Variants in KANSL3 observed in about 807,000 individuals in gnomAD.
KANSL3 encodes the protein NSL complex protein NSL3.
KANSL3 carries 16 observed loss-of-function variants against 89.2 expected under a neutral mutation model. That is an observed-to-expected ratio of 0.18 (90% CI 0.12 to 0.27). The LOEUF (loss-of-function observed/expected upper bound fraction) is 0.27, where lower values mean the gene tolerates loss of function less well. Ranked by LOEUF, KANSL3 falls within the 10% of genes least tolerant of loss-of-function variation. The probability of loss-of-function intolerance (pLI) is 1.00; values close to 1 mark genes in which losing one functional copy is unlikely to be tolerated. For missense variants in KANSL3, 879 were observed against 1,110.6 expected (o/e 0.79, Z 2.96); for synonymous variants, 385 against 419.7 (o/e 0.92, Z 1.01).
At chr2:96,617,123 G>T (rs1427991120) in intron 5 of KANSL3, among the ~76,000 whole-genome samples, 1 of 152,090 alleles carries the variant, frequency 6.6e-6, no homozygotes, top group Non-Finnish European at 1.5e-5. Context: ...TCCAGTCTGG[G>T]CCCCACACTC....
At chr2:96,603,024 C>T (rs1050954412) in intron 17 of KANSL3, among the ~76,000 whole-genome samples, 162 bp from the exon 18 acceptor site, 4 of 152,202 alleles carry the variant, frequency 2.6e-5, no homozygotes, top group Admixed American at 6.5e-5. Context: ...CAACTAGGCA[C>T]ACACGCAATG....
intron 3 of KANSL3, among the ~76,000 whole-genome samples, chr2:96,625,174 T>C (rs2072069798): frequency 1.3e-5 from 2 of 152,200 alleles, no homozygotes; most frequent in East Asian, 3.9e-4. Flanking sequence ...CGCCCCACTG[T>C]ACTCCAGCCT....
chr2:96,620,803 G>C (rs2071120036), intron 3 of KANSL3, among the ~76,000 whole-genome samples: 1 of 151,866 alleles, frequency 6.6e-6, no homozygotes, highest in African/African-American at 2.4e-5. Context: ...AGGAATTCAA[G>C]ACCAGTCTGT....
At position 96,604,837 on chromosome 2, in the gene KANSL3, T is replaced by A. The variant is rs746193111; in HGVS notation, c.1960A>T (p.Thr654Ser). ...EAAGGKPITM[T>S]LGQASAGAKE... ...GCCCCTGCTGAAGCCTGCCCCAGTG[T>A]CATGGTGATGGGCTTCCCACCTGCA... The change falls in exon 16 of 21, where the codon ACA becomes TCA. Residue 654 changes from threonine (T) to serine (S), a missense_variant. Physicochemically the swap from Thr to Ser is moderately conservative, Grantham distance 58 (BLOSUM62 1). Transcript: ENST00000431828. 7 of 1,598,628 alleles carry A rather than the reference T, an allele frequency of 4.4e-6. No homozygotes were observed. In the East Asian group the frequency reaches 1.1e-4, roughly 26 times the overall value.
In KANSL3 at chr2:96,595,490, A is replaced by C; in HGVS notation, c.*121T>G. The C allele has an allele frequency of 2.0e-6, 2 of 1,018,624 alleles. No homozygotes were observed. The highest frequency in any genetic ancestry group is 2.9e-6 in the Non-Finnish European group (2 of 692,954). The allele number at this position is 1,018,624 out of a possible 1,614,324, so 63.1% of individuals were successfully genotyped here. A position where few individuals can be genotyped will look rare whatever the true frequency, so the allele number is the denominator to read the frequency against. On this transcript the variant is annotated 3_prime_UTR_variant, in exon 21 of 21. Transcript: ENST00000431828. ...GAAGACAGTTGGCGGAGAGGCAAAA[A>C]TGACTGTCTTAAACAGGTCTTCCGA...
chr2:96,605,025 T>C (rs2067771065), intron 15 of KANSL3, among the ~76,000 whole-genome samples, 162 bp from the exon 16 acceptor site: 1 of 152,204 alleles, frequency 6.6e-6, no homozygotes, highest in African/African-American at 2.4e-5. Context: ...ATTTTTTCCT[T>C]CTATTTTCTA....
intron 5 of KANSL3, among the ~76,000 whole-genome samples, chr2:96,618,776 T>A (rs1282540352): frequency 6.6e-6 from 1 of 152,234 alleles, no homozygotes; most frequent in Non-Finnish European, 1.5e-5. Flanking sequence ...GCCTCCAGCA[T>A]CCGCATTCTA....
intron 2 of KANSL3, among the ~76,000 whole-genome samples, chr2:96,635,062 C>A (rs1273899114): frequency 1.3e-5 from 2 of 152,214 alleles, no homozygotes; most frequent in African/African-American, 4.8e-5. Context: ...CTGCCCTATA[C>A]AAGATATCAC....
chr2:96,600,854 G>C, intron 20 of KANSL3: 2 of 985,408 alleles, frequency 2.0e-6, no homozygotes, highest in Non-Finnish European at 2.4e-6. Context: ...GCTAAGATAT[G>C]GGAAGGCACA....
rs373956444 is a variant in KANSL3 at position 96,628,025 on chromosome 2, T to G, written c.386+3287A>C. On this transcript the variant is annotated intron_variant, in intron 3 of 20. Coordinates refer to ENST00000431828, the MANE Select transcript of KANSL3 (RefSeq NM_001115016.3). ...TCTGATAAATTGAGCTTTAATGGATTACATCAATCTGTGGCAATGTGGCAA... is the reference window on the plus strand; with the variant it reads ...TCTGATAAATTGAGCTTTAATGGATGACATCAATCTGTGGCAATGTGGCAA... 9.3e-6 allele frequency: 12 copies of G among 1,290,390 alleles called. No individual in the cohort carries two copies. The African/African-American group carries it at 1.7e-4, about 18-fold the overall frequency. The allele number at this position is 1,290,390 out of a possible 1,614,324, so 79.9% of individuals were successfully genotyped here.
At chr2:96,629,667 A>C (rs1268320558) in intron 3 of KANSL3, among the ~76,000 whole-genome samples, 1 of 152,158 alleles carries the variant, frequency 6.6e-6, no homozygotes, top group Non-Finnish European at 1.5e-5. Context: ...ACTTCTTCAC[A>C]AGCTTTTTCA....
At chr2:96,606,936 A>G in intron 14 of KANSL3, 1 of 1,169,850 alleles carries the variant, frequency 8.5e-7, no homozygotes, top group Middle Eastern at 2.2e-4. Context: ...AGCAGAATGT[A>G]GTGGACGAGC....
chr2:96,613,862 T>C (rs1391347428), intron 5 of KANSL3, among the ~76,000 whole-genome samples: 1 of 152,092 alleles, frequency 6.6e-6, no homozygotes, highest in Non-Finnish European at 1.5e-5. Flanking sequence ...GGGACTTAAA[T>C]GTATTCCCAT....
intron 7 of KANSL3, 72 bp from the exon 8 acceptor site, chr2:96,612,635 T>G: frequency 7.3e-7 from 1 of 1,370,060 alleles, no homozygotes; most frequent in Non-Finnish European, 1.0e-6. Context: ...TAACCTAACC[T>G]AAACCCAAAA....
At chr2:96,619,788 T>C (rs1338506468) in intron 3 of KANSL3, 26 bp from the exon 4 acceptor site, 12 of 1,531,910 alleles carry the variant, frequency 7.8e-6, no homozygotes, top group Middle Eastern at 1.7e-4. Context: ...TGAGGAATTA[T>C]AGTCAAACCC....
chr2:96,611,890 G>T (rs1379878166), intron 9 of KANSL3, among the ~76,000 whole-genome samples: 1 of 60,516 alleles, frequency 1.7e-5, no homozygotes, highest in African/African-American at 7.6e-5. Flanking sequence ...TTTTTCCACA[G>T]ATATATACCC....
Position 96,637,124 on chromosome 2 carries a change from C to T in KANSL3, c.12G>A (p.Arg4=), listed in dbSNP as rs1418695051. 1 of 1,550,390 alleles carries T rather than the reference C, an allele frequency of 6.4e-7. No homozygotes were observed. The highest frequency in any genetic ancestry group is 2.0e-5 in the Admixed American group (1 of 50,976). The change falls in exon 2 of 21, where the codon CGG becomes CGA. Residue 4 remains arginine, a synonymous_variant. Coordinates refer to ENST00000431828, the MANE Select transcript of KANSL3 (RefSeq NM_001115016.3). ...AAGTCTGGAAGTCCCTCTCCCCACC[C>T]CGGTGGGCCATGTCAGTGGAGGGGC... MAH[R]GGERDFQTSA...
Position 96,604,823 on chromosome 2 carries a change from A to G in KANSL3, c.1974T>C (p.Ala658=), listed in dbSNP as rs921651439. The change falls in exon 16 of 21, where the codon GCT becomes GCC. Residue 658 remains alanine, a synonymous_variant. Transcript: ENST00000431828. The part of the protein sequence containing the change: ...GKPITMTLGQ[A]SAGAKELTGL... The stretch of plus-strand genomic sequence containing the variant: ...CTGTGAGCTCCTTGGCCCCTGCTGA[A>G]GCCTGCCCCAGTGTCATGGTGATGG... The G allele has an allele frequency of 4.4e-6, 7 of 1,600,344 alleles. No homozygotes were observed. Among genetic ancestry groups the G allele is most frequent in the Admixed American group, 3.4e-5 (2 of 58,096 alleles).
At position 96,633,305 on chromosome 2, in the gene KANSL3, C is replaced by T. The variant is rs578035022; in HGVS notation, c.216-1823G>A. On this transcript the variant is annotated intron_variant, in intron 2 of 20. Transcript: ENST00000431828. ...AATATTCAGGCTGGGCGTAGTGGCT[C>T]GCGCCTGTAAACCCAACATTTTGGG... Among the ~76,000 whole-genome samples, 4 of 152,104 alleles carry T rather than the reference C, an allele frequency of 2.6e-5. No individual in the cohort carries two copies. The East Asian group carries it at 5.8e-4, about 22-fold the overall frequency.
Sources: allele counts gnomAD v4.1 joint callset (sites outside exome capture counted in the v4.1 genomes callset), GRCh38; gene constraint gnomAD v4.1.1; transcripts MANE v1.5; gene names NCBI Gene and HGNC (gene_info 2026-07-23, HGNC 2026-07-21).